DPP6: variants seen among roughly 807,000 people sequenced by gnomAD.
DPP6 encodes dipeptidyl peptidase like 6.
A neutral mutation model predicts 122.6 loss-of-function variants in DPP6; 69 were observed. The observed-to-expected ratio is 0.56, with a 90% CI of 0.46 to 0.69. The LOEUF is 0.69. Ranked by LOEUF, DPP6 falls within the 30% of genes least tolerant of loss-of-function variation. The pLI, the probability that DPP6 is intolerant of heterozygous loss-of-function variation, is 0.00. For synonymous variants in DPP6, 418 were observed against 433.1 expected, an observed-to-expected ratio of 0.97 and a Z score of 0.43; for missense variants, 928 against 1,116.9, an observed-to-expected ratio of 0.83 and a Z score of 2.41.
chr7:153,995,390 T>G (rs1412325410), intron 1 of DPP6, among the ~76,000 whole-genome samples: 3 of 151,954 alleles, frequency 2.0e-5, no homozygotes, highest in African/African-American at 7.2e-5. Context: ...GTCGAGACCA[T>G]CCTGGCTAAC....
intron 1 of DPP6, among the ~76,000 whole-genome samples, chr7:154,273,940 A>G (rs1054810094): frequency 6.6e-6 from 1 of 152,258 alleles, no homozygotes; most frequent in Admixed American, 6.5e-5. Context: ...ACAGATAATC[A>G]CTGTATCAAA....
chr7:154,638,474 G>A (rs1017492733), intron 6 of DPP6, among the ~76,000 whole-genome samples: 1 of 152,172 alleles, frequency 6.6e-6, no homozygotes, highest in African/African-American at 2.4e-5. Context: ...GCTTGGCTGT[G>A]CTCCCAGGGC....
chr7:154,875,256 A>C lies in DPP6; in HGVS notation c.1884-650A>C, dbSNP rs891862400. On this transcript the variant is annotated intron_variant, in intron 19 of 25. Coordinates refer to ENST00000377770, the MANE Select transcript of DPP6 (RefSeq NM_130797.4). This position sits in a 1 kb window ranked among gnomAD's most constrained non-coding sequence, Gnocchi z 4.5. Reference sequence around the variant, plus strand: ...TCGAATCCCATGGTCCAAATGCCCCACCATGGATGCCTTTCAGCCAGCAGT... The same window carrying C: ...TCGAATCCCATGGTCCAAATGCCCCCCCATGGATGCCTTTCAGCCAGCAGT... 6.6e-6 allele frequency among the ~76,000 whole-genome samples: 1 copy of C among 152,214 alleles called. No individual in the cohort carries two copies. Among genetic ancestry groups the C allele is most frequent in the African/African-American group, 2.4e-5 (1 of 41,454 alleles).
intron 3 of DPP6, among the ~76,000 whole-genome samples, chr7:154,477,261 C>T (rs990367746): frequency 5.5e-5 from 8 of 146,352 alleles, no homozygotes; most frequent in Non-Finnish European, 1.2e-4. Flanking sequence ...CTCCCACCAC[C>T]ACCACCAGCA....
intron 13 of DPP6, 79 bp from the exon 14 acceptor site, chr7:154,803,785 A>G (rs1445877538): frequency 6.5e-7 from 1 of 1,530,592 alleles, no homozygotes; most frequent in African/African-American, 1.4e-5. Context: ...CCTGGTGTCC[A>G]AAACAGTTGG....
At chr7:153,779,110 A>G in the DPP6 span, among the ~76,000 whole-genome samples, 1 of 147,940 alleles carries the variant, frequency 6.8e-6, no homozygotes, top group South Asian at 2.1e-4. Context: ...TTTCATTTAT[A>G]TAATGTTCTG....
intron 3 of DPP6, among the ~76,000 whole-genome samples, chr7:154,506,338 T>C (rs1330323014): frequency 6.6e-6 from 1 of 152,174 alleles, no homozygotes; most frequent in East Asian, 1.9e-4. Flanking sequence ...GTAAAGATTT[T>C]TTAAGTTTCA....
At chr7:154,276,125 C>T (rs1804112071) in intron 1 of DPP6, among the ~76,000 whole-genome samples, 1 of 152,216 alleles carries the variant, frequency 6.6e-6, no homozygotes, top group African/African-American at 2.4e-5. Context: ...CAATACAATG[C>T]TTCTTTACTG....
intron 1 of DPP6, among the ~76,000 whole-genome samples, chr7:154,421,665 GA>G (rs1817485577): frequency 5.3e-4 from 1 of 1,880 alleles, no homozygotes. Flanking sequence ...GGGGATTGGA[GA>G]CTGGATGATC....
At chr7:153,900,731 G>A (rs777432202) in intron 1 of DPP6, among the ~76,000 whole-genome samples, 2 of 152,126 alleles carry the variant, frequency 1.3e-5, no homozygotes, top group African/African-American at 4.8e-5. Context: ...ATGAGGTTTG[G>A]GGGGTGGATA....
At chr7:154,723,220 G>T (rs1402313990) in intron 7 of DPP6, among the ~76,000 whole-genome samples, 2 of 152,192 alleles carry the variant, frequency 1.3e-5, no homozygotes, top group Non-Finnish European at 2.9e-5. Flanking sequence ...CTGAGCCACT[G>T]CACTCCAGCC....
At chr7:154,788,359 G>A (rs1037303106) in intron 10 of DPP6, among the ~76,000 whole-genome samples, 12 of 151,852 alleles carry the variant, frequency 7.9e-5, no homozygotes, top group African/African-American at 2.7e-4. Context: ...CAGGACAATC[G>A]CTTGAACCCA....
At chr7:154,751,349 C>A (rs1022400355) in intron 8 of DPP6, among the ~76,000 whole-genome samples, 2 of 151,804 alleles carry the variant, frequency 1.3e-5, no homozygotes, top group Non-Finnish European at 2.9e-5. Context: ...CCTGTAATCC[C>A]AGCACTTTGG....
chr7:154,134,118 C>T (rs908427242), intron 1 of DPP6, among the ~76,000 whole-genome samples: 4 of 152,136 alleles, frequency 2.6e-5, no homozygotes, highest in Admixed American at 6.5e-5. Flanking sequence ...GGCAGTTTGG[C>T]GTGAATGAGT....
chr7:153,887,365 T>A, exon 1 of DPP6: 1 of 235,384 alleles, frequency 4.2e-6, no homozygotes, highest in Non-Finnish European at 8.4e-6. Context: ...CCTCGCTAGC[T>A]GGGCTCGCAG....
At chr7:154,651,170 A>G (rs980197234) in intron 6 of DPP6, among the ~76,000 whole-genome samples, 2 of 152,138 alleles carry the variant, frequency 1.3e-5, no homozygotes. Flanking sequence ...AGGTACTAGC[A>G]CTGCACTAGG....
intron 4 of DPP6, among the ~76,000 whole-genome samples, chr7:154,542,108 GC>G (rs1220253619): frequency 6.6e-6 from 1 of 152,100 alleles, no homozygotes; most frequent in Non-Finnish European, 1.5e-5. Flanking sequence ...AATGCATGCT[GC>G]CCCTAACATA....
intron 1 of DPP6, among the ~76,000 whole-genome samples, chr7:153,916,079 G>A (rs1800297878): frequency 6.6e-6 from 1 of 150,784 alleles, no homozygotes; most frequent in Non-Finnish European, 1.5e-5. Context: ...CCATTCTCCT[G>A]CCTCAGCCTC....
At chr7:154,637,784 C>T in intron 5 of DPP6, 37 bp from the exon 6 acceptor site, 1 of 1,546,422 alleles carries the variant, frequency 6.5e-7, no homozygotes, top group Non-Finnish European at 8.7e-7. Context: ...CAGCCTTTGT[C>T]TCAATGCCTA....
Sources: gnomAD v4.1 joint callset for allele counts (sites outside exome capture counted in the v4.1 genomes callset) on GRCh38, gnomAD v4.1.1 for gene constraint, Gnocchi (gnomAD v3.1) non-coding constraint, MANE v1.5 for transcripts, NCBI Gene and HGNC (gene_info 2026-07-23, HGNC 2026-07-21) for gene names.